The following PTPRM variants were observed in gnomAD, a reference collection of about 807,000 sequenced individuals.
PTPRM encodes the protein protein tyrosine phosphatase receptor type M.
PTPRM carries 47 observed loss-of-function variants against 186.7 expected under a neutral mutation model. The observed-to-expected ratio is 0.25, with a 90% CI of 0.20 to 0.32. The LOEUF (loss-of-function observed/expected upper bound fraction) is 0.32. PTPRM is among the 10% of genes least tolerant of loss of function. The pLI is 1.00. For synonymous variants in PTPRM, 668 were observed against 674.9 expected, an observed-to-expected ratio of 0.99 and a Z score of 0.16; for missense variants, 1,494 against 1,865.0, an observed-to-expected ratio of 0.80 and a Z score of 3.66.
At chr18:7,813,743 T>C (rs1357567451) in intron 2 of PTPRM, among the ~76,000 whole-genome samples, 1 of 152,182 alleles carries the variant, frequency 6.6e-6, no homozygotes, top group Non-Finnish European at 1.5e-5. Context: ...CTTAACTTTT[T>C]TTTTCACATT....
chr18:8,342,626 A>C (rs771871721), intron 22 of PTPRM, among the ~76,000 whole-genome samples: 3 of 152,230 alleles, frequency 2.0e-5, no homozygotes, highest in Non-Finnish European at 2.9e-5. Flanking sequence ...TACATGTCTT[A>C]TAAAGATTTC....
intron 14 of PTPRM, among the ~76,000 whole-genome samples, chr18:8,151,881 C>T (rs922952658): frequency 2.0e-5 from 3 of 152,036 alleles, no homozygotes; most frequent in Non-Finnish European, 4.4e-5. Flanking sequence ...CAGGCTCAGT[C>T]CCTCACGGCT....
At chr18:8,249,195 AT>A (rs1163631691) in intron 17 of PTPRM, among the ~76,000 whole-genome samples, 5 of 150,344 alleles carry the variant, frequency 3.3e-5, no homozygotes, top group African/African-American at 5.0e-5. Context: ...TTCCAACATG[AT>A]TTTTCCCCCC....
In PTPRM at chr18:7,927,648, G is replaced by A. The variant is rs1051465884; in HGVS notation, c.663+965G>A. Among the ~76,000 whole-genome samples the A allele has an allele frequency of 4.6e-5, 7 of 151,984 alleles. No individual in the cohort carries two copies. The East Asian group carries it at 5.8e-4, about 13-fold the overall frequency. On this transcript the variant is annotated intron_variant, in intron 5 of 32. Transcript: ENST00000580170. ...ATCTCTCCACCTCCTGTCATGCCTCGCAGTGTAATTATGATTGTGATTGGA... is the reference window on the plus strand; with the variant it reads ...ATCTCTCCACCTCCTGTCATGCCTCACAGTGTAATTATGATTGTGATTGGA...
At chr18:8,169,270 A>G (rs1472235679) in intron 14 of PTPRM, among the ~76,000 whole-genome samples, 1 of 152,088 alleles carries the variant, frequency 6.6e-6, no homozygotes, top group Non-Finnish European at 1.5e-5. Flanking sequence ...GTCCTATAGC[A>G]GTATATCACA....
intron 4 of PTPRM, among the ~76,000 whole-genome samples, chr18:7,908,115 G>T (rs1325540062): frequency 3.9e-5 from 6 of 152,148 alleles, no homozygotes. Flanking sequence ...CTGGGATGTA[G>T]TGCAGAGACG....
chr18:7,903,309 A>G (rs1007965657), intron 3 of PTPRM, among the ~76,000 whole-genome samples: 3 of 152,184 alleles, frequency 2.0e-5, no homozygotes, highest in Non-Finnish European at 4.4e-5. Context: ...ACATTTTTCT[A>G]ACCACAGCAC....
intron 7 of PTPRM, among the ~76,000 whole-genome samples, chr18:8,025,451 AT>A (rs2085511229): frequency 6.6e-6 from 1 of 152,222 alleles, no homozygotes; most frequent in Admixed American, 6.5e-5. Flanking sequence ...AATCTGCCTG[AT>A]TAGGTGCCAG....
intron 14 of PTPRM, among the ~76,000 whole-genome samples, chr18:8,238,330 G>A (rs2094370596): frequency 6.6e-6 from 1 of 151,950 alleles, no homozygotes; most frequent in Admixed American, 6.6e-5. Context: ...CAGTTTTGGA[G>A]GTTTTTACTG....
intron 2 of PTPRM, among the ~76,000 whole-genome samples, chr18:7,865,916 G>A (rs2047664820): frequency 1.3e-5 from 2 of 151,872 alleles, no homozygotes; most frequent in African/African-American, 4.8e-5. Context: ...GACTTGGGAG[G>A]GTGTATGAGT....
At chr18:7,897,395 C>T (rs2049418281) in intron 3 of PTPRM, among the ~76,000 whole-genome samples, 1 of 152,150 alleles carries the variant, frequency 6.6e-6, no homozygotes, top group South Asian at 2.1e-4. Context: ...TTGCTTCATG[C>T]CTCTAGAGGA....
chr18:8,262,766 T>C (rs944605697), intron 19 of PTPRM, among the ~76,000 whole-genome samples: 4 of 152,244 alleles, frequency 2.6e-5, no homozygotes, highest in African/African-American at 4.8e-5. Context: ...TATTAATTGA[T>C]TTATTCAGTA....
In PTPRM at chr18:8,384,708, C is replaced by T. The variant is rs747547031; in HGVS notation, c.4044+22C>T. On this transcript the variant is annotated intron_variant, in intron 30 of 32. Coordinates refer to ENST00000580170, the MANE Select transcript of PTPRM (RefSeq NM_001105244.2). ...CAGAGTAAGAGACGGGCCTGTCATG[C>T]CTGTGATTATGGTTTCATTTATTTT... The T allele has an allele frequency of 5.0e-6, 8 of 1,612,878 alleles. No individual in the cohort carries two copies. The South Asian group carries it at 7.7e-5, about 16-fold the overall frequency.
At chr18:8,028,747 G>C (rs1420182625) in intron 7 of PTPRM, among the ~76,000 whole-genome samples, 1 of 152,188 alleles carries the variant, frequency 6.6e-6, no homozygotes, top group African/African-American at 2.4e-5. Flanking sequence ...GCGTATTTCT[G>C]CCTTGCTAGT....
intron 7 of PTPRM, among the ~76,000 whole-genome samples, chr18:8,056,212 T>C (rs1301982576): frequency 1.3e-5 from 2 of 152,216 alleles, no homozygotes; most frequent in African/African-American, 4.8e-5. Context: ...TGAGTGGTTG[T>C]TGAGAGAAAT....
chr18:7,744,420 T>C (rs1280795357), intron 1 of PTPRM, among the ~76,000 whole-genome samples: 2 of 152,050 alleles, frequency 1.3e-5, no homozygotes, highest in African/African-American at 4.8e-5. Context: ...AGAGTAATTA[T>C]CAACTATATT....
At chr18:8,074,574 A>G (rs904179280) in intron 8 of PTPRM, among the ~76,000 whole-genome samples, 6 of 152,048 alleles carry the variant, frequency 3.9e-5, no homozygotes. Flanking sequence ...ACTTGTTATC[A>G]TGTCTTTTCG....
intron 22 of PTPRM, among the ~76,000 whole-genome samples, chr18:8,330,805 T>C (rs1411851289): frequency 6.6e-6 from 1 of 152,180 alleles, no homozygotes; most frequent in African/African-American, 2.4e-5. Flanking sequence ...TTCTGTGCTG[T>C]GGACATCTGT....
chr18:8,085,950 C>A, intron 10 of PTPRM, 78 bp downstream of exon 10: 1 of 1,359,744 alleles, frequency 7.4e-7, no homozygotes, highest in Non-Finnish European at 1.0e-6. Context: ...TCAAGTATGC[C>A]AAGCTCGCCC....
Sources: allele counts gnomAD v4.1 joint callset (sites outside exome capture counted in the v4.1 genomes callset), GRCh38; gene constraint gnomAD v4.1.1; transcripts MANE v1.5; gene names NCBI Gene and HGNC (gene_info 2026-07-23, HGNC 2026-07-21).